The following XPO1 variants were observed in gnomAD, a reference collection of about 807,000 sequenced individuals.
XPO1 encodes the protein exportin-1.
A neutral mutation model predicts 133.3 loss-of-function variants in XPO1; 5 were observed. The observed-to-expected ratio is 0.04, with a 90% CI of 0.02 to 0.08. The LOEUF (loss-of-function observed/expected upper bound fraction) is 0.08, where lower values mean the gene tolerates loss of function less well. XPO1 is among the 10% of genes least tolerant of loss of function. The pLI is 1.00. For missense variants in XPO1, 506 were observed against 1,267.5 expected (o/e 0.40, Z 9.12); for synonymous variants, 419 against 408.2 (o/e 1.03, Z -0.32).
chr2:61,533,737 TCA>T, intron 2 of XPO1, 33 bp downstream of exon 2: 1 of 1,543,812 alleles, frequency 6.5e-7, no homozygotes, highest in Non-Finnish European at 8.7e-7. Context: ...TGTTACACTG[TCA>T]TAATGTTATA....
intron 4 of XPO1, among the ~76,000 whole-genome samples, chr2:61,512,113 C>CA (rs1698127469): frequency 6.6e-6 from 1 of 152,074 alleles, no homozygotes; most frequent in Non-Finnish European, 1.5e-5. Context: ...TAAATACTGA[C>CA]AAAAAACGAT....
intron 9 of XPO1, among the ~76,000 whole-genome samples, chr2:61,497,920 T>C (rs1168641864): frequency 6.6e-6 from 1 of 152,342 alleles, no homozygotes; most frequent in East Asian, 1.9e-4. Flanking sequence ...AGCAATAAAC[T>C]GATCATTCAA....
At chr2:61,482,661 C>T (rs1313874688) in intron 22 of XPO1, 122 bp from the exon 23 acceptor site, 2 of 990,678 alleles carry the variant, frequency 2.0e-6, no homozygotes, top group Non-Finnish European at 2.8e-6. Context: ...GCTGGAATGC[C>T]GTGGCGCAAT....
At chr2:61,484,791 G>C (rs1696595759) in intron 20 of XPO1, 1 of 152,378 alleles carries the variant, frequency 6.6e-6, no homozygotes, top group Admixed American at 6.6e-5. Context: ...ACCACACCCG[G>C]ATAATTTTTT....
rs766087166 is a variant in XPO1, at chr2:61,492,507, T to C, written c.1567-26A>G. On this transcript the variant is annotated intron_variant, in intron 14 of 24. Transcript: ENST00000401558. The surrounding 1 kb of genome is among the most constrained non-coding windows in gnomAD (Gnocchi z 5.6). ...CTGTAAATAAGACAAATTTGTATTA[T>C]TTATTGTAACAACATAATACTTATT... The C allele has an allele frequency of 9.4e-6, 15 of 1,590,048 alleles. No homozygotes were observed. In the South Asian group the frequency reaches 1.7e-4, roughly 18 times the overall value.
chr2:61,521,988 C>A (rs1698716126), intron 4 of XPO1, among the ~76,000 whole-genome samples: 1 of 152,110 alleles, frequency 6.6e-6, no homozygotes, highest in African/African-American at 2.4e-5. Context: ...AAACTTCTGG[C>A]CTTAAATGAC....
In XPO1 at chr2:61,492,861, T is replaced by G; in HGVS notation, c.1384+54A>C. The stretch of plus-strand genomic sequence containing the variant: ...ACAAGTACATTTCCTAAAATGTATT[T>G]CCACCCCAGAATAGATTTATAAAGG... On this transcript the variant is annotated intron_variant, in intron 13 of 24. Coordinates refer to ENST00000401558, the MANE Select transcript of XPO1 (RefSeq NM_003400.4). The surrounding 1 kb of genome is among the most constrained non-coding windows in gnomAD (Gnocchi z 5.6). The G allele has an allele frequency of 1.3e-6, 2 of 1,564,768 alleles. No homozygotes were observed. Among genetic ancestry groups the G allele is most frequent in the South Asian group, 1.2e-5 (1 of 83,578 alleles).
At chr2:61,495,923 C>A (rs969379422) in intron 10 of XPO1, among the ~76,000 whole-genome samples, 2 of 152,084 alleles carry the variant, frequency 1.3e-5, no homozygotes, top group Non-Finnish European at 2.9e-5. Flanking sequence ...CCCACCTTAG[C>A]CTCCCAAAGT....
intron 11 of XPO1, among the ~76,000 whole-genome samples, chr2:61,495,030 G>C (rs1013372233): frequency 1.3e-5 from 2 of 151,806 alleles, no homozygotes; most frequent in Non-Finnish European, 2.9e-5. Context: ...TTTTAATAGA[G>C]ACAGAGATTC....
intron 11 of XPO1, among the ~76,000 whole-genome samples, chr2:61,494,979 T>G (rs1049404207): frequency 2.0e-5 from 3 of 151,844 alleles, no homozygotes; most frequent in Admixed American, 1.3e-4. Flanking sequence ...GGAGCTGGGA[T>G]TACAGTCATG....
In XPO1 at chr2:61,528,569, T is replaced by C. The variant is rs376664602; in HGVS notation, c.127-2048A>G. 4.7e-5 allele frequency among the ~76,000 whole-genome samples: 7 copies of C among 150,362 alleles called. No homozygotes were observed. In the East Asian group the frequency reaches 1.4e-3, roughly 30 times the overall value. On this transcript the variant is annotated intron_variant, in intron 2 of 24. Coordinates refer to ENST00000401558, the MANE Select transcript of XPO1 (RefSeq NM_003400.4). ...AATCGCTTGAATCCAGGAGCGGAGG[T>C]TGCAGTGAGCCAAGATTCCCCAAGA... is the stretch of plus-strand genomic sequence containing the variant.
At chr2:61,494,221 T>C (rs1697129904) in intron 11 of XPO1, 130 bp from the exon 12 acceptor site, 2 of 838,730 alleles carry the variant, frequency 2.4e-6, no homozygotes, top group East Asian at 2.7e-5. Context: ...TTTCAATACT[T>C]ATCAAATAGA....
chr2:61,481,125 G>C (rs1696328558), intron 24 of XPO1, 60 bp downstream of exon 24: 1 of 1,061,732 alleles, frequency 9.4e-7, no homozygotes, highest in South Asian at 1.7e-5. Context: ...ATTCTACAAT[G>C]TAACATAAAA....
intron 4 of XPO1, among the ~76,000 whole-genome samples, chr2:61,503,487 C>T (rs1252809428): frequency 3.3e-5 from 5 of 151,956 alleles, no homozygotes; most frequent in East Asian, 1.9e-4. Context: ...TGCAGTGGCG[C>T]GATCTCGCCT....
intron 19 of XPO1, 52 bp from the exon 20 acceptor site, chr2:61,486,014 A>G (rs775078970): frequency 5.4e-6 from 8 of 1,473,776 alleles, no homozygotes; most frequent in Non-Finnish European, 7.4e-6. Flanking sequence ...CATGGTGACT[A>G]TTTTAAACAA....
At chr2:61,534,030 T>C (rs534979589) in intron 1 of XPO1, 127 bp from the exon 2 acceptor site, 2 of 962,804 alleles carry the variant, frequency 2.1e-6, no homozygotes, top group South Asian at 7.4e-5. Flanking sequence ...AGACTTTAAT[T>C]ACAGAAAACT....
At chr2:61,515,072 A>AAC (rs1698300247) in intron 4 of XPO1, among the ~76,000 whole-genome samples, 1 of 151,076 alleles carries the variant, frequency 6.6e-6, no homozygotes, top group African/African-American at 2.4e-5. Context: ...ACTGTCTTAA[A>AAC]AAAAAAAAAA....
chr2:61,519,880 T>C (rs565805822), intron 4 of XPO1, among the ~76,000 whole-genome samples: 2 of 152,290 alleles, frequency 1.3e-5, no homozygotes, highest in South Asian at 4.1e-4. Flanking sequence ...TTTCCAATTA[T>C]GTGAATGAAA....
intron 19 of XPO1, among the ~76,000 whole-genome samples, chr2:61,487,682 C>T (rs1021783060): frequency 1.3e-5 from 2 of 152,274 alleles, no homozygotes; most frequent in Admixed American, 1.3e-4. Context: ...CAAGTTGAGG[C>T]ATACGCAGCT....
Sources: gnomAD v4.1 joint callset for allele counts (sites outside exome capture counted in the v4.1 genomes callset) on GRCh38, gnomAD v4.1.1 for gene constraint, Gnocchi (gnomAD v3.1) non-coding constraint, MANE v1.5 for transcripts, NCBI Gene and HGNC (gene_info 2026-07-23, HGNC 2026-07-21) for gene names.